Variants in FCRLB observed in about 807,000 individuals in gnomAD.
The protein encoded by FCRLB is Fc receptor like B.
FCRLB carries 34 observed loss-of-function variants against 33.6 expected under a neutral mutation model. The ratio of observed to expected loss-of-function variants is 1.01; its 90% CI spans 0.77 to 1.35. FCRLB has a LOEUF of 1.35. Among genes scored for constraint, FCRLB ranks in the 40% most tolerant of loss-of-function variants. FCRLB has a pLI of 0.00. For synonymous variants in FCRLB, 280 were observed against 255.9 expected, an observed-to-expected ratio of 1.09 and a Z score of -0.90; for missense variants, 560 against 580.2, an observed-to-expected ratio of 0.97 and a Z score of 0.36.
rs200113380 is a variant in FCRLB at position 161,726,925 on chromosome 1, G to T, written c.797G>T (p.Trp266Leu). ...GAGGTCGAGGAGCTCGAATCGTACTGGTGCGAGGCGGCTACCGCCACCCGC... is the reference window on the plus strand; with the variant it reads ...GAGGTCGAGGAGCTCGAATCGTACTTGTGCGAGGCGGCTACCGCCACCCGC... Residue 266 changes from tryptophan to leucine, a missense_variant, in exon 7 of 8, where the codon TGG becomes TTG. Coordinates refer to ENST00000367948, the Ensembl canonical transcript of FCRLB. This position sits in a 1 kb window ranked among gnomAD's most constrained non-coding sequence, Gnocchi z 5.2. 2.4e-5 allele frequency: 38 copies of T among 1,564,110 alleles called. No homozygotes were observed. The African/African-American group carries it at 4.6e-4, about 19-fold the overall frequency.
chr1:161,722,964 C>T, intron 3 of FCRLB, 25 bp from the exon 4 acceptor site: 1 of 1,612,406 alleles, frequency 6.2e-7, no homozygotes, highest in Non-Finnish European at 8.5e-7. Context: ...CTTCTCCTTC[C>T]TCTTCCTTCT....
At chr1:161,727,093 C>T in intron 7 of FCRLB, 100 bp downstream of exon 7, 1 of 1,326,892 alleles carries the variant, frequency 7.5e-7, no homozygotes, top group Non-Finnish European at 9.7e-7. Context: ...GTTCCCGTCC[C>T]GCCCCCCGCC....
chr1:161,723,777 C>T (rs965232311), intron 5 of FCRLB, among the ~76,000 whole-genome samples, 156 bp downstream of exon 5: 4 of 152,188 alleles, frequency 2.6e-5, no homozygotes, highest in African/African-American at 4.8e-5. Context: ...GGGACCTGCA[C>T]GGCACTATGC....
chr1:161,722,572 C>A, intron 2 of FCRLB, 81 bp from the exon 3 acceptor site: 2 of 1,369,658 alleles, frequency 1.5e-6, no homozygotes, highest in South Asian at 2.5e-5. Context: ...GCAATGTCTC[C>A]TAGTACTCAG....
In FCRLB at chr1:161,726,934, C is replaced by A. The variant is rs1380083435; in HGVS notation, c.806C>A (p.Ala269Glu). 2 of 1,558,318 alleles carry A rather than the reference C, an allele frequency of 1.3e-6. No individual in the cohort carries two copies. The highest frequency in any genetic ancestry group is 2.3e-5 in the East Asian group (1 of 43,510). The change falls in exon 7 of 8, where the codon GCG becomes GAG. Residue 269 changes from alanine to glutamate, a missense_variant. Physicochemically the swap from Ala to Glu is moderately radical, Grantham distance 107. Transcript: ENST00000367948. The surrounding 1 kb of genome is among the most constrained non-coding windows in gnomAD (Gnocchi z 5.2). ...GAGCTCGAATCGTACTGGTGCGAGG[C>A]GGCTACCGCCACCCGCAGTGTCCGG...
chr1:161,727,040 C>T (rs1362532420), intron 7 of FCRLB, 47 bp downstream of exon 7: 7 of 1,445,640 alleles, frequency 4.8e-6, no homozygotes, highest in Non-Finnish European at 6.4e-6. Context: ...GCGGTCAGCC[C>T]TGCTTCCGCC....
chr1:161,727,187 C>G (rs899055036), intron 7 of FCRLB, 60 bp from the exon 8 acceptor site: 2 of 1,515,946 alleles, frequency 1.3e-6, no homozygotes, highest in Non-Finnish European at 1.8e-6. Context: ...GCCCCTCCCC[C>G]AGCCCAGCGC....
chr1:161,723,714 G>T (rs1031918673), intron 5 of FCRLB, 93 bp downstream of exon 5: 2 of 1,533,912 alleles, frequency 1.3e-6, no homozygotes, highest in African/African-American at 2.7e-5. Flanking sequence ...CAATCCCAAG[G>T]TGCAGGAAAC....
intron 5 of FCRLB, among the ~76,000 whole-genome samples, chr1:161,725,336 G>A (rs1313979179): frequency 6.6e-6 from 1 of 152,182 alleles, no homozygotes; most frequent in African/African-American, 2.4e-5. Flanking sequence ...GGGAAGGCCT[G>A]TCCGCTCAAG....
chr1:161,725,810 G>A lies in FCRLB; in HGVS notation c.308-11G>A. The A allele has an allele frequency of 6.3e-7, 1 of 1,593,934 alleles. No individual in the cohort carries two copies. Among genetic ancestry groups the A allele is most frequent in the African/African-American group, 1.3e-5 (1 of 74,788 alleles). On this transcript the variant is annotated splice_polypyrimidine_tract_variant and intron_variant, in intron 5 of 7. Coordinates refer to ENST00000367948, the Ensembl canonical transcript of FCRLB. ...CTGTGGAGTCAAGCGTGTCTGTGGTGTCTGTCGCAGATTGGCTGATTCTGC... is the reference window on the plus strand; with the variant it reads ...CTGTGGAGTCAAGCGTGTCTGTGGTATCTGTCGCAGATTGGCTGATTCTGC...
rs1446757135 is a variant in FCRLB, at chr1:161,726,425, A to C, written c.575-278A>C. 1 of 719,500 alleles carries C rather than the reference A, an allele frequency of 1.4e-6. No homozygotes were observed. Among genetic ancestry groups the C allele is most frequent in the Non-Finnish European group, 2.5e-6 (1 of 402,136 alleles). 44.6% of individuals were successfully genotyped at this position (719,500 alleles called of 1,614,324 possible). On this transcript the variant is annotated intron_variant, in intron 6 of 7. Coordinates refer to ENST00000367948, the Ensembl canonical transcript of FCRLB. This position sits in a 1 kb window ranked among gnomAD's most constrained non-coding sequence, Gnocchi z 5.2. The stretch of plus-strand genomic sequence containing the variant: ...CTGCAAGGCAGGCGCAGCGTCTCCT[A>C]TTCTAGGCTGCAGAACCCGAGCTGA...
At chr1:161,727,152 T>TG in intron 7 of FCRLB, 95 bp from the exon 8 acceptor site, 1 of 1,354,962 alleles carries the variant, frequency 7.4e-7, no homozygotes, top group Non-Finnish European at 9.7e-7. Flanking sequence ...CTTCCGGCCT[T>TG]CCCCATCCCC....
Position 161,726,963 on chromosome 1 carries a change from C to A in FCRLB, c.835C>A (p.Arg279Ser). 6.5e-7 allele frequency: 1 copy of A among 1,540,056 alleles called. No homozygotes were observed. Among genetic ancestry groups the A allele is most frequent in the Non-Finnish European group, 8.8e-7 (1 of 1,142,628 alleles). ...TACCGCCACCCGCAGTGTCCGGAAA[C>A]GCAGTCCGTGGCTGCAGCTCCCGGG... The change falls in exon 7 of 8, where the codon CGC becomes AGC. Residue 279 changes from arginine to serine, a missense_variant. Coordinates refer to ENST00000367948, the Ensembl canonical transcript of FCRLB. This position sits in a 1 kb window ranked among gnomAD's most constrained non-coding sequence, Gnocchi z 5.2.
rs773109933 is a variant in FCRLB, at chr1:161,726,812, C to G, written c.684C>G (p.Arg228=). Reference sequence around the variant, plus strand: ...ACACGCGCCTGCACCCGCAGAAGCGCGACACGCCGCTGCAGTTCGCGTTTT... The same window carrying G: ...ACACGCGCCTGCACCCGCAGAAGCGGGACACGCCGCTGCAGTTCGCGTTTT... The change falls in exon 7 of 8, where the codon CGC becomes CGG. Residue 228 remains arginine, a synonymous_variant. Coordinates refer to ENST00000367948, the Ensembl canonical transcript of FCRLB. This position sits in a 1 kb window ranked among gnomAD's most constrained non-coding sequence, Gnocchi z 5.2. 2.6e-6 allele frequency: 4 copies of G among 1,562,708 alleles called. No individual in the cohort carries two copies. The highest frequency in any genetic ancestry group is 3.8e-5 in the Admixed American group (2 of 52,964).
At chr1:161,727,099 C>G (rs1415165338) in intron 7 of FCRLB, 106 bp downstream of exon 7, 3 of 1,342,886 alleles carry the variant, frequency 2.2e-6, no homozygotes, top group Non-Finnish European at 2.9e-6. Flanking sequence ...GTCCCGCCCC[C>G]CGCCTTTCCC....
chr1:161,723,519 C>A, exon 5 of FCRLB: 1 of 1,614,210 alleles, frequency 6.2e-7, no homozygotes, highest in East Asian at 2.2e-5. Flanking sequence ...CCTACTTCTG[C>A]CCTCTCACAA....
intron 2 of FCRLB, 58 bp downstream of exon 2, chr1:161,721,908 G>A (rs1457298824): frequency 1.3e-5 from 2 of 152,204 alleles, no homozygotes; most frequent in Non-Finnish European, 2.9e-5. Context: ...AGGGTGGGAG[G>A]AAGGAAGAAA....
Position 161,723,446 on chromosome 1 carries a change from T to A in FCRLB, c.132T>A (p.Cys44Ter). The A allele has an allele frequency of 6.2e-7, 1 of 1,614,172 alleles. No individual in the cohort carries two copies. Among genetic ancestry groups the A allele is most frequent in the Non-Finnish European group, 8.5e-7 (1 of 1,180,040 alleles). ...AAGGGGAGCGGGTAACTTTGAAGTG[T>A]GATGGATACCACCCACTGCTCCTGG... Residue 44 changes from cysteine (C) to a stop codon, truncating the protein, a stop_gained, in exon 5 of 8, where the codon TGT (cysteine) becomes TGA (stop). Coordinates refer to ENST00000367948, the Ensembl canonical transcript of FCRLB. LOFTEE classifies it high-confidence loss of function.
chr1:161,722,531 C>T (rs1683404092), intron 2 of FCRLB, 122 bp from the exon 3 acceptor site: 5 of 920,900 alleles, frequency 5.4e-6, no homozygotes, highest in Admixed American at 2.0e-5. Flanking sequence ...GGTCTGCTAT[C>T]TTCAGGAACT....
Sources: allele counts gnomAD v4.1 joint callset (sites outside exome capture counted in the v4.1 genomes callset), GRCh38; gene constraint gnomAD v4.1.1; non-coding constraint Gnocchi (gnomAD v3.1); transcripts MANE v1.5; gene names NCBI Gene and HGNC (gene_info 2026-07-23, HGNC 2026-07-21).